The following PCDHB14 variants were observed in gnomAD, a reference collection of about 807,000 sequenced individuals.
PCDHB14 encodes protocadherin beta 14.
For synonymous variants in PCDHB14, 511 were observed against 441.5 expected (o/e 1.16, Z -1.97); for missense variants, 1,129 against 1,000.5 (o/e 1.13, Z -1.73).
At position 141,225,756 on chromosome 5, in the gene PCDHB14, T is replaced by C. The variant is rs1754846672; in HGVS notation, c.2251T>C (p.Tyr751His). Residue 751 changes from tyrosine (Y) to histidine (H), a missense_variant, in exon 1 of 1, where the codon TAC becomes CAC. Tyr to His is a moderately conservative substitution (Grantham distance 83). Transcript: ENST00000239449. The part of the protein sequence containing the change: ...GTGTLSQSYQ[Y>H]EVCLTGGSGT... ...CGGGACCCTGTCCCAGAGCTACCAA[T>C]ACGAGGTGTGTCTGACAGGAGGTTC... is the stretch of plus-strand genomic sequence containing the variant. 6.2e-7 allele frequency: 1 copy of C among 1,614,036 alleles called. No homozygotes were observed. Among genetic ancestry groups the C allele is most frequent in the Non-Finnish European group, 8.5e-7 (1 of 1,180,046 alleles).
rs76671799 is a variant in PCDHB14 at position 141,225,520 on chromosome 5, C to T, written c.2015C>T (p.Pro672Leu). 6 of 1,609,120 alleles carry T rather than the reference C, an allele frequency of 3.7e-6. No homozygotes were observed. The highest frequency in any genetic ancestry group is 5.1e-6 in the Non-Finnish European group (6 of 1,179,772). Residue 672 changes from proline to leucine, a missense_variant, in exon 1 of 1, where the codon CCG (proline) becomes CTG (leucine). Transcript: ENST00000239449. ...GACGGCTTCTCCCAGCCCTACCTGC[C>T]GCTCCCTGAGGCGGCCCCGGCCCAG... ...LVDGFSQPYL[P>L]LPEAAPAQAQ...
At position 141,224,210 on chromosome 5, in the gene PCDHB14, C is replaced by T. The variant is rs782591116; in HGVS notation, c.705C>T (p.Ile235=). The change falls in exon 1 of 1, where the codon ATC becomes ATT. Residue 235 remains isoleucine, a synonymous_variant. Coordinates refer to ENST00000239449, the MANE Select transcript of PCDHB14 (RefSeq NM_018934.4). ...TGGTTCTCATCAAGGTGTTGGACAT[C>T]AATGATAATGCCCCTGAGTTTCCTC... ...TTLVLIKVLD[I]NDNAPEFPQS... is the part of the protein sequence containing the mutation. 4 of 1,613,694 alleles carry T rather than the reference C, an allele frequency of 2.5e-6. No homozygotes were observed. The highest frequency in any genetic ancestry group is 3.4e-6 in the Non-Finnish European group (4 of 1,179,860).
Position 141,224,955 on chromosome 5 carries a change from G to C in PCDHB14, c.1450G>C (p.Ala484Pro). The C allele has an allele frequency of 1.2e-6, 2 of 1,612,618 alleles. No individual in the cohort carries two copies. The highest frequency in any genetic ancestry group is 1.7e-6 in the Non-Finnish European group (2 of 1,180,030). ...CACAGACAGAGACTCAGGCACCAAC[G>C]CCCAGGTCAACTACTCGCTGCTGCC... ...SATDRDSGTN[A>P]QVNYSLLPPQ... is the part of the protein sequence containing the mutation. Residue 484 changes from alanine to proline, a missense_variant, in exon 1 of 1, where the codon GCC becomes CCC. Coordinates refer to ENST00000239449, the MANE Select transcript of PCDHB14 (RefSeq NM_018934.4).
In PCDHB14 at chr5:141,223,562, T is replaced by A. The variant is rs1754762071; in HGVS notation, c.57T>A (p.Val19=). 1 of 1,614,140 alleles carries A rather than the reference T, an allele frequency of 6.2e-7. No homozygotes were observed. Among genetic ancestry groups the A allele is most frequent in the African/African-American group, 1.3e-5 (1 of 75,034 alleles). Residue 19 remains valine (V), a synonymous_variant, in exon 1 of 1, where the codon GTT becomes GTA. Transcript: ENST00000239449. ...LRKRQVLIFL[V]LLGLSRAGTE... ...AAAGGCAAGTTCTAATATTCCTTGT[T>A]TTGCTGGGATTGTCTCGGGCAGGTA...
rs1554288958 is a variant in PCDHB14, at chr5:141,223,500, G to A, written c.-6G>A. 3 of 1,583,742 alleles carry A rather than the reference G, an allele frequency of 1.9e-6. No individual in the cohort carries two copies. Among genetic ancestry groups the A allele is most frequent in the Non-Finnish European group, 1.7e-6 (2 of 1,163,766 alleles). On this transcript the variant is annotated 5_prime_UTR_variant, in exon 1 of 1. Coordinates refer to ENST00000239449, the MANE Select transcript of PCDHB14 (RefSeq NM_018934.4). ...GTTTTTCCACAAGAGATTGCCTAAAGGAACCATGGAGATCAGAGGGGCACT... is the reference window on the plus strand; with the variant it reads ...GTTTTTCCACAAGAGATTGCCTAAAAGAACCATGGAGATCAGAGGGGCACT...
rs142121806 is a variant in PCDHB14 at position 141,225,482 on chromosome 5, C to A, written c.1977C>A (p.His659Gln). 1,614 of 1,605,816 alleles carry A rather than the reference C, an allele frequency of 1.0e-3. 2 individuals are homozygous for A. Among genetic ancestry groups the A allele is most frequent in the Middle Eastern group, 3.2e-3 (15 of 4,654 alleles). ...EPPRSATATL[H>Q]VLLVDGFSQP... ...CTCGCTCGGCCACCGCCACGCTGCA[C>A]GTGCTCCTGGTGGACGGCTTCTCCC... The change falls in exon 1 of 1, where the codon CAC becomes CAA. Residue 659 changes from histidine to glutamine, a missense_variant. By Grantham distance (24) the His-to-Gln change is conservative. Transcript: ENST00000239449.
rs368086818 is a variant in PCDHB14, at chr5:141,224,368, T to C, written c.863T>C (p.Ile288Thr). Residue 288 changes from isoleucine to threonine, a missense_variant, in exon 1 of 1, where the codon ATT (isoleucine) becomes ACT (threonine). By Grantham distance (89) the Ile-to-Thr change is moderately conservative. Transcript: ENST00000239449. ...SYTFFHASED[I>T]RKTFEINPIS... ...ACATTTTTCCATGCATCAGAAGATA[T>C]TCGTAAAACATTTGAAATTAATCCA... The C allele has an allele frequency of 6.2e-7, 1 of 1,607,908 alleles. No homozygotes were observed. The highest frequency in any genetic ancestry group is 1.3e-5 in the African/African-American group (1 of 74,588).
Position 141,226,120 on chromosome 5 carries a change from A to G in PCDHB14, c.*218A>G. 5.4e-6 allele frequency: 3 copies of G among 556,150 alleles called. No individual in the cohort carries two copies. The South Asian group carries it at 7.9e-5, about 15-fold the overall frequency. 34.5% of individuals were successfully genotyped at this position (556,150 alleles called of 1,614,324 possible). A position where few individuals can be genotyped will look rare whatever the true frequency, so the allele number is the denominator to read the frequency against. Reference sequence around the variant, plus strand: ...TTTTCATTTATTTGGCCAAAATGTTATATTAATGGAGTTATTGCTATTTTT... The same window carrying G: ...TTTTCATTTATTTGGCCAAAATGTTGTATTAATGGAGTTATTGCTATTTTT... On this transcript the variant is annotated 3_prime_UTR_variant, in exon 1 of 1. Transcript: ENST00000239449.
Position 141,224,521 on chromosome 5 carries a change from A to G in PCDHB14, c.1016A>G (p.Asp339Gly). ...GKCTLLVKVM[D>G]INDNPPEVTI... is the part of the protein sequence containing the mutation. ...TGCACCCTTCTAGTTAAAGTTATGG[A>G]TATAAACGACAACCCACCAGAAGTG... is the stretch of plus-strand genomic sequence containing the variant. The change falls in exon 1 of 1, where the codon GAT becomes GGT. Residue 339 changes from aspartate (D) to glycine (G), a missense_variant. By Grantham distance (94) the Asp-to-Gly change is moderately conservative. Coordinates refer to ENST00000239449, the MANE Select transcript of PCDHB14 (RefSeq NM_018934.4). The G allele has an allele frequency of 6.2e-7, 1 of 1,612,822 alleles. No individual in the cohort carries two copies. Among genetic ancestry groups the G allele is most frequent in the Non-Finnish European group, 8.5e-7 (1 of 1,179,700 alleles).
In PCDHB14 at chr5:141,223,689, C is replaced by A. The variant is rs781907552; in HGVS notation, c.184C>A (p.Arg62Ser). ...LGLGVEELSS[R>S]EARVVSDDNK... ...GCTGGGGGTGGAGGAGCTGTCTTCA[C>A]GTGAAGCCCGGGTAGTGTCTGATGA... Residue 62 changes from arginine (R) to serine (S), a missense_variant, in exon 1 of 1, where the codon CGT (arginine) becomes AGT (serine). Physicochemically the swap from Arg to Ser is moderately radical, Grantham distance 110 (BLOSUM62 -1). Transcript: ENST00000239449. The A allele has an allele frequency of 6.2e-7, 1 of 1,614,056 alleles. No individual in the cohort carries two copies. The highest frequency in any genetic ancestry group is 8.5e-7 in the Non-Finnish European group (1 of 1,180,020).
chr5:141,223,597 C>T lies in PCDHB14; in HGVS notation c.92C>T (p.Ala31Val). ...LGLSRAGTES[A>V]HYSVAEETEI... ...TTGTCTCGGGCAGGTACTGAATCTG[C>T]ACACTATTCTGTGGCAGAGGAAACA... The change falls in exon 1 of 1, where the codon GCA becomes GTA. Residue 31 changes from alanine to valine, a missense_variant. Transcript: ENST00000239449. 6.2e-7 allele frequency: 1 copy of T among 1,614,154 alleles called. No homozygotes were observed. The highest frequency in any genetic ancestry group is 8.5e-7 in the Non-Finnish European group (1 of 1,180,014).
In PCDHB14 at chr5:141,225,483, G is replaced by T. The variant is rs782235794; in HGVS notation, c.1978G>T (p.Val660Leu). Residue 660 changes from valine to leucine, a missense_variant, in exon 1 of 1, where the codon GTG becomes TTG. Physicochemically the swap from Val to Leu is conservative, Grantham distance 32. Coordinates refer to ENST00000239449, the MANE Select transcript of PCDHB14 (RefSeq NM_018934.4). ...TCGCTCGGCCACCGCCACGCTGCACGTGCTCCTGGTGGACGGCTTCTCCCA... is the reference window on the plus strand; with the variant it reads ...TCGCTCGGCCACCGCCACGCTGCACTTGCTCCTGGTGGACGGCTTCTCCCA... ...PPRSATATLHVLLVDGFSQPY... is the reference protein window; with the variant it reads ...PPRSATATLHLLLVDGFSQPY... 9.3e-6 allele frequency: 15 copies of T among 1,605,814 alleles called. No individual in the cohort carries two copies. The highest frequency in any genetic ancestry group is 2.2e-5 in the South Asian group (2 of 90,978).
chr5:141,225,056 G>A lies in PCDHB14; in HGVS notation c.1551G>A (p.Arg517=). 1 of 1,612,502 alleles carries A rather than the reference G, an allele frequency of 6.2e-7. No homozygotes were observed. Among genetic ancestry groups the A allele is most frequent in the Non-Finnish European group, 8.5e-7 (1 of 1,179,948 alleles). The change falls in exon 1 of 1, where the codon AGG becomes AGA. Residue 517 remains arginine (R), a synonymous_variant. Coordinates refer to ENST00000239449, the MANE Select transcript of PCDHB14 (RefSeq NM_018934.4). The part of the protein sequence containing the change: ...NADNGHLFAL[R]SLDYEALQEF... ...ACAATGGCCACCTGTTTGCCCTCAG[G>A]TCGCTGGACTACGAGGCCCTACAGG... is the stretch of plus-strand genomic sequence containing the variant.
In PCDHB14 at chr5:141,224,545, T is replaced by C. The variant is rs1038069245; in HGVS notation, c.1040T>C (p.Val347Ala). 4 of 1,612,466 alleles carry C rather than the reference T, an allele frequency of 2.5e-6. No individual in the cohort carries two copies. In the African/African-American group the frequency reaches 5.4e-5, roughly 22 times the overall value. ...VMDINDNPPEVTISSITKRIP... is the reference protein window; with the variant it reads ...VMDINDNPPEATISSITKRIP... ...GATATAAACGACAACCCACCAGAAG[T>C]GACCATATCGTCGATTACAAAGAGA... is the stretch of plus-strand genomic sequence containing the variant. The change falls in exon 1 of 1, where the codon GTG (valine) becomes GCG (alanine). Residue 347 changes from valine to alanine, a missense_variant. Transcript: ENST00000239449.
In PCDHB14 at chr5:141,226,419, A is replaced by G. The variant is rs1294345699; in HGVS notation, c.*517A>G. The G allele has an allele frequency of 6.5e-6, 1 of 153,038 alleles. No individual in the cohort carries two copies. Among genetic ancestry groups the G allele is most frequent in the Admixed American group, 6.5e-5 (1 of 15,310 alleles). 9.5% of individuals were successfully genotyped at this position (153,038 alleles called of 1,614,324 possible). The stretch of plus-strand genomic sequence containing the variant: ...TATTAGTTTTTCAAATATTTACTTT[A>G]TGATGAAACTTAAGTGGTCACATTG... On this transcript the variant is annotated 3_prime_UTR_variant, in exon 1 of 1. Coordinates refer to ENST00000239449, the MANE Select transcript of PCDHB14 (RefSeq NM_018934.4).
In PCDHB14 at chr5:141,225,695, T is replaced by C. The variant is rs552455900; in HGVS notation, c.2190T>C (p.Gly730=). ...ASVGRCSVPE[G]PFPGHLVDVS... Reference sequence around the variant, plus strand: ...TGGGTCGCTGCTCGGTGCCCGAGGGTCCCTTTCCAGGGCATCTGGTGGACG... The same window carrying C: ...TGGGTCGCTGCTCGGTGCCCGAGGGCCCCTTTCCAGGGCATCTGGTGGACG... The change falls in exon 1 of 1, where the codon GGT becomes GGC. Residue 730 remains glycine, a synonymous_variant. Coordinates refer to ENST00000239449, the MANE Select transcript of PCDHB14 (RefSeq NM_018934.4). The C allele has an allele frequency of 9.6e-5, 155 of 1,613,814 alleles. No individual in the cohort carries two copies. Among genetic ancestry groups the C allele is most frequent in the South Asian group, 4.6e-4 (42 of 91,072 alleles).
Position 141,224,258 on chromosome 5 carries a change from C to T in PCDHB14, c.753C>T (p.Val251=), listed in dbSNP as rs1754784544. The change falls in exon 1 of 1, where the codon GTC becomes GTT. Residue 251 remains valine, a synonymous_variant. Transcript: ENST00000239449. ...EFPQSLYEVQ[V]PEDRPLGSWI... ...CTCAGAGTCTCTATGAGGTGCAAGT[C>T]CCCGAGGACAGACCCCTTGGCTCCT... 6.2e-7 allele frequency: 1 copy of T among 1,613,610 alleles called. No individual in the cohort carries two copies. The highest frequency in any genetic ancestry group is 1.3e-5 in the African/African-American group (1 of 74,894).
Position 141,223,633 on chromosome 5 carries a change from C to A in PCDHB14, c.128C>A (p.Ser43Tyr), listed in dbSNP as rs1754763985. The A allele has an allele frequency of 1.2e-6, 2 of 1,614,134 alleles. No homozygotes were observed. The highest frequency in any genetic ancestry group is 1.3e-5 in the African/African-American group (1 of 75,040). ...GTGGCAGAGGAAACAGAAATTGGCT[C>A]TTTTGTGGCTAATCTAGCGAGGGAC... ...YSVAEETEIG[S>Y]FVANLARDLG... Residue 43 changes from serine to tyrosine, a missense_variant, in exon 1 of 1, where the codon TCT (serine) becomes TAT (tyrosine). Transcript: ENST00000239449.
Position 141,223,475 on chromosome 5 carries a change from GT to G in PCDHB14, c.-26del, listed in dbSNP as rs1754759777. 6.6e-7 allele frequency: 1 copy of G among 1,526,242 alleles called. No homozygotes were observed. The highest frequency in any genetic ancestry group is 1.8e-4 in the Middle Eastern group (1 of 5,714). 94.5% of individuals were successfully genotyped at this position (1,526,242 alleles called of 1,614,324 possible). A position where few individuals can be genotyped will look rare whatever the true frequency, so the allele number is the denominator to read the frequency against. ...CTTCCAAAATTACGGCTGAGCTTCAGTTTTTCCACAAGAGATTGCCTAAAGG... is the reference window on the plus strand; with the variant it reads ...CTTCCAAAATTACGGCTGAGCTTCAGTTTTCCACAAGAGATTGCCTAAAGG... On this transcript the variant is annotated 5_prime_UTR_variant, in exon 1 of 1. Transcript: ENST00000239449.
Sources: allele counts gnomAD v4.1 joint callset, GRCh38; gene constraint gnomAD v4.1.1; transcripts MANE v1.5; gene names NCBI Gene and HGNC (gene_info 2026-07-23, HGNC 2026-07-21).